PEMT: variants seen among roughly 807,000 people sequenced by gnomAD.
PEMT encodes the protein phosphatidylethanolamine N-methyltransferase.
In PEMT, 23 loss-of-function variants were observed where a neutral mutation model predicts 27.4. The observed-to-expected ratio is 0.84, with a 90% CI of 0.60 to 1.19. The LOEUF is 1.19. Ranked by LOEUF, PEMT falls within the 50% of genes most tolerant of loss-of-function variation. PEMT has a pLI of 0.00. For missense variants in PEMT, 307 were observed against 310.1 expected (o/e 0.99, Z 0.07); for synonymous variants, 137 against 139.1 (o/e 0.98, Z 0.11).
intron 2 of PEMT, among the ~76,000 whole-genome samples, chr17:17,532,829 A>G (rs957762605): frequency 1.3e-5 from 2 of 152,236 alleles, no homozygotes; most frequent in African/African-American, 4.8e-5. Context: ...GGAGTTCAAG[A>G]CCAGCCTGGC....
intron 3 of PEMT, among the ~76,000 whole-genome samples, chr17:17,517,479 C>T (rs4646403): frequency 0.37 from 56,152 of 152,132 alleles, 12,391 homozygotes; most frequent in Non-Finnish European, 0.51. Flanking sequence ...TTCATGCAGC[C>T]GCTCAACCCC....
chr17:17,545,929 T>C (rs893286828), intron 2 of PEMT, among the ~76,000 whole-genome samples: 16 of 152,170 alleles, frequency 1.1e-4, no homozygotes, highest in African/African-American at 3.9e-4. Context: ...CCAATTCCTT[T>C]CCTTGCCTGT....
At chr17:17,515,690 G>A (rs535508700) in intron 3 of PEMT, among the ~76,000 whole-genome samples, 1 of 152,328 alleles carries the variant, frequency 6.6e-6, no homozygotes, top group African/African-American at 2.4e-5. Context: ...ATTAAGCCAG[G>A]AAAGCACAGT....
intron 5 of PEMT, among the ~76,000 whole-genome samples, chr17:17,506,565 T>A (rs918992661): frequency 1.3e-5 from 2 of 152,212 alleles, no homozygotes; most frequent in East Asian, 3.9e-4. Context: ...GGGTGGGGCC[T>A]GCTCACTCTT....
chr17:17,546,006 G>C (rs1909236154), intron 2 of PEMT, among the ~76,000 whole-genome samples: 1 of 152,168 alleles, frequency 6.6e-6, no homozygotes, highest in South Asian at 2.1e-4. Flanking sequence ...TTCTGTCCCT[G>C]GGCCACCTTG....
At chr17:17,548,227 G>A (rs765708671) in intron 2 of PEMT, among the ~76,000 whole-genome samples, 54 of 152,394 alleles carry the variant, frequency 3.5e-4, no homozygotes, top group Non-Finnish European at 6.6e-4. Flanking sequence ...CCCTGCTGGC[G>A]TCCAGCCTGG....
intron 2 of PEMT, among the ~76,000 whole-genome samples, chr17:17,544,438 G>A (rs373537060): frequency 2.4e-4 from 37 of 151,914 alleles, no homozygotes; most frequent in African/African-American, 8.2e-4. Flanking sequence ...CCACCACCAC[G>A]CCCAGCTAAT....
intron 2 of PEMT, among the ~76,000 whole-genome samples, chr17:17,539,535 G>A (rs1340523550): frequency 6.6e-6 from 1 of 152,198 alleles, no homozygotes. Context: ...TCCTTTTTGT[G>A]GCTACGCAGG....
In PEMT at chr17:17,522,193, C is replaced by T. The variant is rs1200672043; in HGVS notation, c.320+87G>A. 37 of 937,926 alleles carry T rather than the reference C, an allele frequency of 3.9e-5. No individual in the cohort carries two copies. In the East Asian group the frequency reaches 4.9e-4, roughly 12 times the overall value. The allele number at this position is 937,926 out of a possible 1,614,324, so 58.1% of individuals were successfully genotyped here. ...CCCTGAGTGCTCAGACACAAGGCTCCCGCGTGGTGAGGGATGAGGTACCAC... is the reference window on the plus strand; with the variant it reads ...CCCTGAGTGCTCAGACACAAGGCTCTCGCGTGGTGAGGGATGAGGTACCAC... On this transcript the variant is annotated intron_variant, in intron 3 of 6. Coordinates refer to ENST00000255389, the MANE Select transcript of PEMT (RefSeq NM_148172.3).
At chr17:17,522,544 C>G in intron 2 of PEMT, 149 bp from the exon 3 acceptor site, 2 of 636,574 alleles carry the variant, frequency 3.1e-6, no homozygotes, top group Admixed American at 4.8e-5. Context: ...ACCACATGCA[C>G]CCCAGCTGCA....
intron 3 of PEMT, among the ~76,000 whole-genome samples, chr17:17,517,311 T>C (rs1281676862): frequency 6.6e-6 from 1 of 152,256 alleles, no homozygotes; most frequent in Non-Finnish European, 1.5e-5. Flanking sequence ...AGGAAACTAA[T>C]ACACTTGGCT....
chr17:17,524,401 T>C (rs1278430322), intron 2 of PEMT, among the ~76,000 whole-genome samples: 1 of 152,150 alleles, frequency 6.6e-6, no homozygotes, highest in East Asian at 1.9e-4. Context: ...CAGCAATGCA[T>C]GAAGATTCTA....
chr17:17,571,942 G>A lies in PEMT; in HGVS notation c.204+4978C>T, dbSNP rs1309566711. ...TCGAACTCCTGGGCTCAAGCGATCC[G>A]CCTGCCTTGGCCTCCCAAAGTGCTT... On this transcript the variant is annotated intron_variant, in intron 2 of 6. Transcript: ENST00000255389. Among the ~76,000 whole-genome samples, 5 of 152,124 alleles carry A rather than the reference G, an allele frequency of 3.3e-5. No individual in the cohort carries two copies. The East Asian group carries it at 5.8e-4, about 18-fold the overall frequency.
chr17:17,546,317 C>T (rs1255627488), intron 2 of PEMT, among the ~76,000 whole-genome samples: 2 of 152,100 alleles, frequency 1.3e-5, no homozygotes, highest in African/African-American at 4.8e-5. Flanking sequence ...TGGGTTTGGC[C>T]GGGCTTTGCT....
At chr17:17,570,524 G>C (rs1297968320) in intron 2 of PEMT, 1 of 985,238 alleles carries the variant, frequency 1.0e-6, no homozygotes, top group African/African-American at 1.7e-5. Flanking sequence ...AGTCAGAGAG[G>C]GCAGGGTGAG....
At chr17:17,570,886 C>A (rs1159754162) in intron 2 of PEMT, 2 of 985,240 alleles carry the variant, frequency 2.0e-6, no homozygotes, top group African/African-American at 3.5e-5. Context: ...AAGAGGGAGT[C>A]CATCCTGGTC....
intron 3 of PEMT, among the ~76,000 whole-genome samples, chr17:17,517,273 A>G (rs1906911905): frequency 6.6e-6 from 1 of 152,208 alleles, no homozygotes; most frequent in Non-Finnish European, 1.5e-5. Context: ...TTAAGCCCTA[A>G]GTGTGTGGGA....
chr17:17,506,363 C>A, intron 5 of PEMT, 62 bp from the exon 6 acceptor site: 1 of 1,296,242 alleles, frequency 7.7e-7, no homozygotes, highest in Non-Finnish European at 1.1e-6. Context: ...CCACGGCCCA[C>A]CTGCCCAGGC....
chr17:17,542,225 C>CG (rs1567702483), intron 2 of PEMT, among the ~76,000 whole-genome samples: 3 of 100,482 alleles, frequency 3.0e-5, no homozygotes, highest in African/African-American at 1.0e-4. Flanking sequence ...AGGTGATCTA[C>CG]CCGCCTCAGC....
Sources: allele counts gnomAD v4.1 joint callset (sites outside exome capture counted in the v4.1 genomes callset), GRCh38; gene constraint gnomAD v4.1.1; transcripts MANE v1.5; gene names NCBI Gene and HGNC (gene_info 2026-07-23, HGNC 2026-07-21).